The following PPWD1 variants were observed in gnomAD, a reference collection of about 807,000 sequenced individuals.
PPWD1 encodes peptidylprolyl isomerase domain and WD repeat-containing protein 1.
PPWD1 carries 43 observed loss-of-function variants against 68.8 expected under a neutral mutation model. The ratio of observed to expected loss-of-function variants is 0.62; its 90% CI spans 0.49 to 0.81. The LOEUF is 0.81. PPWD1 is among the 30% of genes least tolerant of loss of function. The pLI is 0.00. For missense variants in PPWD1, 672 were observed against 804.8 expected, an observed-to-expected ratio of 0.83 and a Z score of 2.00; for synonymous variants, 232 against 258.7, an observed-to-expected ratio of 0.90 and a Z score of 0.99.
chr5:65,573,513 A>AT, intron 5 of PPWD1, among the ~76,000 whole-genome samples: 1 of 19,008 alleles, frequency 5.3e-5, no homozygotes, highest in Non-Finnish European at 1.1e-4. Context: ...TTTAGTACAG[A>AT]TGGTTTTTTT....
At chr5:65,567,901 T>C (rs1008564226) in intron 2 of PPWD1, 2 of 287,108 alleles carry the variant, frequency 7.0e-6, no homozygotes, top group Non-Finnish European at 1.1e-5. Context: ...TTAGTTAAGA[T>C]ATGAGTAACT....
intron 10 of PPWD1, 104 bp downstream of exon 10, chr5:65,586,285 TATATC>T: frequency 9.1e-7 from 1 of 1,097,186 alleles, no homozygotes; most frequent in South Asian, 1.9e-5. Context: ...CTGCATTATT[TATATC>T]ATCTAGCAGA....
chr5:65,574,124 T>C (rs1222452152), intron 5 of PPWD1, among the ~76,000 whole-genome samples: 2 of 152,204 alleles, frequency 1.3e-5, no homozygotes, highest in African/African-American at 4.8e-5. Flanking sequence ...CTGTCAACTC[T>C]TTCTAGTGGC....
chr5:65,569,129 T>C (rs921839741), intron 2 of PPWD1: 4 of 403,480 alleles, frequency 9.9e-6, no homozygotes, highest in African/African-American at 8.4e-5. Flanking sequence ...AAATGATTTC[T>C]ATTTTTACAT....
chr5:65,582,110 T>C (rs1024534660), intron 7 of PPWD1, among the ~76,000 whole-genome samples: 1 of 152,126 alleles, frequency 6.6e-6, no homozygotes, highest in African/African-American at 2.4e-5. Flanking sequence ...GGTTGTTTAT[T>C]TGGAATCTAT....
intron 9 of PPWD1, 197 bp from the exon 10 acceptor site, chr5:65,585,802 A>G (rs964566269): frequency 1.3e-4 from 72 of 550,922 alleles, no homozygotes; most frequent in Non-Finnish European, 1.4e-4. Flanking sequence ...CGACCTTTGC[A>G]TTTATGTTTC....
chr5:65,567,699 A>C, intron 2 of PPWD1, 84 bp downstream of exon 2: 1 of 1,406,316 alleles, frequency 7.1e-7, no homozygotes. Context: ...ATTTATAGAG[A>C]TAATTTTAAG....
intron 2 of PPWD1, chr5:65,568,205 G>C (rs58584619): frequency 6.6e-6 from 1 of 152,052 alleles, no homozygotes; most frequent in Non-Finnish European, 1.5e-5. Context: ...CTTCTGGTCC[G>C]ATACATTTTG....
intron 8 of PPWD1, among the ~76,000 whole-genome samples, chr5:65,584,293 G>C (rs770443630): frequency 6.6e-6 from 1 of 152,048 alleles, no homozygotes; most frequent in Non-Finnish European, 1.5e-5. Context: ...CTCTTGGTTC[G>C]TCCATTTCCA....
intron 5 of PPWD1, among the ~76,000 whole-genome samples, chr5:65,573,342 T>C (rs2150596039): frequency 6.7e-6 from 1 of 148,592 alleles, no homozygotes; most frequent in African/African-American, 2.5e-5. Flanking sequence ...GAGTTGCACT[T>C]GAGTGCAGTG....
At chr5:65,587,059 TC>T in intron 10 of PPWD1, 193 bp from the exon 11 acceptor site, 1 of 243,692 alleles carries the variant, frequency 4.1e-6, no homozygotes, top group Non-Finnish European at 6.6e-6. Flanking sequence ...ATACTATGCT[TC>T]TATTTTTTTT....
intron 8 of PPWD1, among the ~76,000 whole-genome samples, chr5:65,584,658 A>T (rs1013168761): frequency 6.6e-6 from 1 of 152,174 alleles, no homozygotes; most frequent in African/African-American, 2.4e-5. Flanking sequence ...GAAAGTCAAG[A>T]TCAGCCTAGG....
chr5:65,583,791 A>G (rs1401796050), intron 8 of PPWD1, among the ~76,000 whole-genome samples: 1 of 152,186 alleles, frequency 6.6e-6, no homozygotes, highest in African/African-American at 2.4e-5. Context: ...TCTTAAAAAA[A>G]ATTTTTTTTT....
rs532195758 is a variant in PPWD1, at chr5:65,574,505, G to A, written c.969+2219G>A. The stretch of plus-strand genomic sequence containing the variant: ...GGAGTCTCGCCCTGTTGCCCAGGCC[G>A]GACTGCGGACTGTAGTGGCTCAATC... On this transcript the variant is annotated intron_variant, in intron 5 of 10. Coordinates refer to ENST00000261308, the MANE Select transcript of PPWD1 (RefSeq NM_015342.4). 1.3e-3 allele frequency among the ~76,000 whole-genome samples: 178 copies of A among 134,070 alleles called. 16 individuals are homozygous for A. The South Asian group carries it at 0.037, about 28-fold the overall frequency. 88.0% of individuals were successfully genotyped at this position (134,070 alleles called of 152,430 possible).
At chr5:65,563,743 T>G in intron 1 of PPWD1, 1 of 1,438,128 alleles carries the variant, frequency 7.0e-7, no homozygotes, top group Admixed American at 2.0e-5. Context: ...TTATGACAGA[T>G]GCTAAAACTA....
At chr5:65,567,751 C>T (rs905960005) in intron 2 of PPWD1, 136 bp downstream of exon 2, 20 of 1,342,312 alleles carry the variant, frequency 1.5e-5, no homozygotes, top group Non-Finnish European at 1.8e-5. Context: ...AAATAAAGGC[C>T]TACATGTTCT....
chr5:65,571,830 C>T lies in PPWD1; in HGVS notation c.522-9C>T, dbSNP rs745668663. 278 of 1,606,650 alleles carry T rather than the reference C, an allele frequency of 1.7e-4. No homozygotes were observed. Among genetic ancestry groups the T allele is most frequent in the Non-Finnish European group, 2.2e-4 (260 of 1,175,492 alleles). On this transcript the variant is annotated splice_polypyrimidine_tract_variant and intron_variant, in intron 4 of 10. Coordinates refer to ENST00000261308, the MANE Select transcript of PPWD1 (RefSeq NM_015342.4). ...TTTTTTTTTCCCTCTCAATTCTTTA[C>T]GATTTTAGCTATTTTCCTGGACAGT...
chr5:65,571,242 A>G (rs1040534384), intron 4 of PPWD1, among the ~76,000 whole-genome samples: 2 of 152,198 alleles, frequency 1.3e-5, no homozygotes, highest in African/African-American at 2.4e-5. Flanking sequence ...TGAAGGAAAC[A>G]ACATTCATTT....
chr5:65,576,567 G>A (rs548498664), intron 5 of PPWD1, among the ~76,000 whole-genome samples: 10 of 152,010 alleles, frequency 6.6e-5, no homozygotes, highest in Admixed American at 3.9e-4. Flanking sequence ...TAGTGGAGAC[G>A]GGGTTTCACC....
Sources: allele counts gnomAD v4.1 joint callset (sites outside exome capture counted in the v4.1 genomes callset), GRCh38; gene constraint gnomAD v4.1.1; transcripts MANE v1.5; gene names NCBI Gene and HGNC (gene_info 2026-07-23, HGNC 2026-07-21).